CHRNA7: variants seen among roughly 807,000 people sequenced by gnomAD.
The protein encoded by CHRNA7 is neuronal acetylcholine receptor subunit alpha-7.
CHRNA7 carries 17 observed loss-of-function variants against 48.0 expected under a neutral mutation model. That is an observed-to-expected ratio of 0.35 (90% CI 0.24 to 0.53). The LOEUF is 0.53. CHRNA7 is among the 20% of genes least tolerant of loss of function. The pLI, the probability that CHRNA7 is intolerant of heterozygous loss-of-function variation, is 0.92. For synonymous variants in CHRNA7, 75 were observed against 242.3 expected, an observed-to-expected ratio of 0.31 and a Z score of 6.41; for missense variants, 155 against 577.7, an observed-to-expected ratio of 0.27 and a Z score of 7.50.
chr15:32,033,103 C>T (rs564725711), intron 2 of CHRNA7, among the ~76,000 whole-genome samples: 2 of 152,092 alleles, frequency 1.3e-5, no homozygotes, highest in East Asian at 1.9e-4. Context: ...GGGAAGGGGG[C>T]GGGAGAAAGT....
At chr15:32,110,116 G>A (rs1395124917) in intron 3 of CHRNA7, among the ~76,000 whole-genome samples, 1 of 152,206 alleles carries the variant, frequency 6.6e-6, no homozygotes, top group African/African-American at 2.4e-5. Context: ...GTGATAATTA[G>A]TGACCGACAC....
At chr15:32,100,285 A>G (rs539769746) in intron 2 of CHRNA7, 1 of 152,152 alleles carries the variant, frequency 6.6e-6, no homozygotes, top group African/African-American at 2.4e-5. Flanking sequence ...ACATCTTCAC[A>G]GGGGCATTAA....
At chr15:32,045,259 C>T (rs868218140) in intron 2 of CHRNA7, among the ~76,000 whole-genome samples, 1 of 151,950 alleles carries the variant, frequency 6.6e-6, no homozygotes, top group Non-Finnish European at 1.5e-5. Context: ...GTCTGTGCTC[C>T]TTCTGAGCCT....
intron 4 of CHRNA7, among the ~76,000 whole-genome samples, chr15:32,136,716 G>A (rs992265153): frequency 1.3e-5 from 2 of 151,456 alleles, no homozygotes; most frequent in African/African-American, 2.4e-5. Flanking sequence ...AACAAGTAGG[G>A]GTCGAATGGG....
At chr15:32,117,036 C>T (rs773645100) in intron 4 of CHRNA7, among the ~76,000 whole-genome samples, 58 of 152,096 alleles carry the variant, frequency 3.8e-4, no homozygotes, top group Non-Finnish European at 6.8e-4. Flanking sequence ...TGTTGCCAAG[C>T]GTCTTAGGGA....
At chr15:32,038,018 TC>T (rs1902175204) in intron 2 of CHRNA7, among the ~76,000 whole-genome samples, 1 of 149,110 alleles carries the variant, frequency 6.7e-6, no homozygotes, top group Admixed American at 6.7e-5. Flanking sequence ...AGTTTTCTTA[TC>T]ATTAGGTATG....
intron 4 of CHRNA7, among the ~76,000 whole-genome samples, chr15:32,142,592 C>T (rs1184219817): frequency 2.6e-5 from 4 of 152,172 alleles, no homozygotes; most frequent in African/African-American, 9.7e-5. Context: ...GCCTCAATTT[C>T]AGAACCTGTT....
At chr15:32,059,881 C>T (rs1199515082) in intron 2 of CHRNA7, among the ~76,000 whole-genome samples, 2 of 127,304 alleles carry the variant, frequency 1.6e-5, no homozygotes, top group African/African-American at 3.0e-5. Context: ...AGGGCTATAA[C>T]GCCCAAGCTC....
At chr15:32,154,728 TAA>T (rs1320698578) in intron 5 of CHRNA7, among the ~76,000 whole-genome samples, 2 of 129,914 alleles carry the variant, frequency 1.5e-5, no homozygotes, top group Non-Finnish European at 3.2e-5. Context: ...TGCAGCTGTT[TAA>T]CTTTCTGCTC....
chr15:32,136,240 C>T (rs1595486817), intron 4 of CHRNA7, among the ~76,000 whole-genome samples: 2 of 152,116 alleles, frequency 1.3e-5, no homozygotes, highest in Admixed American at 6.5e-5. Flanking sequence ...CCTGTAGTCC[C>T]AGCACTTTGG....
chr15:32,107,806 CAGAA>C (rs903507588), intron 3 of CHRNA7, among the ~76,000 whole-genome samples: 4 of 152,196 alleles, frequency 2.6e-5, no homozygotes, highest in African/African-American at 9.6e-5. Context: ...GTGCAATGGG[CAGAA>C]AGCTCTTTAC....
At chr15:32,034,584 C>T (rs1901995375) in intron 2 of CHRNA7, among the ~76,000 whole-genome samples, 1 of 152,040 alleles carries the variant, frequency 6.6e-6, no homozygotes, top group Non-Finnish European at 1.5e-5. Flanking sequence ...TTCACCTGGC[C>T]CTAGTCTAGG....
At position 32,145,421 on chromosome 15, in the gene CHRNA7, G is replaced by A. The variant is rs185308237; in HGVS notation, c.351-8486G>A. Among the ~76,000 whole-genome samples the A allele has an allele frequency of 6.6e-5, 10 of 152,290 alleles. No homozygotes were observed. In the South Asian group the frequency reaches 1.9e-3, roughly 28 times the overall value. On this transcript the variant is annotated intron_variant, in intron 4 of 9. Transcript: ENST00000306901. ...GTCTATCCATTCTCAGAGCTTGAACGCCGTGCTGGGAGAACCAGTGCTCTC... is the reference window on the plus strand; with the variant it reads ...GTCTATCCATTCTCAGAGCTTGAACACCGTGCTGGGAGAACCAGTGCTCTC...
chr15:32,153,123 T>A (rs1436933361), intron 4 of CHRNA7, among the ~76,000 whole-genome samples: 1 of 152,064 alleles, frequency 6.6e-6, no homozygotes, highest in Non-Finnish European at 1.5e-5. Flanking sequence ...GTTCAGTCAT[T>A]CAAGATATAT....
chr15:32,114,044 G>GTATATATATATATATATATGTA (rs1321921481), intron 4 of CHRNA7, among the ~76,000 whole-genome samples: 1 of 63,606 alleles, frequency 1.6e-5, no homozygotes, highest in African/African-American at 5.7e-5. Flanking sequence ...ATATATATAT[G>GTATATATATATATATATATGTA]TATATATATA....
Position 32,030,651 on chromosome 15 carries a change from T to C in CHRNA7, c.55+2T>C, listed in dbSNP as rs1477770373. Reference sequence around the variant, plus strand: ...CGCTGGCCGCGTCGCTCCTGCACGGTAAAGCCACTGCCTCCCCGCCCTCCA... The same window carrying C: ...CGCTGGCCGCGTCGCTCCTGCACGGCAAAGCCACTGCCTCCCCGCCCTCCA... On this transcript the variant is annotated splice_donor_variant, in intron 1 of 9. Coordinates refer to ENST00000306901, the MANE Select transcript of CHRNA7 (RefSeq NM_000746.6). LOFTEE classifies it high-confidence loss of function. 1.3e-6 allele frequency: 2 copies of C among 1,577,250 alleles called. No individual in the cohort carries two copies. The highest frequency in any genetic ancestry group is 2.3e-5 in the South Asian group (2 of 86,382).
chr15:32,151,436 TTAA>T (rs1432583401), intron 4 of CHRNA7, among the ~76,000 whole-genome samples: 6 of 152,026 alleles, frequency 3.9e-5, no homozygotes, highest in Non-Finnish European at 8.8e-5. Context: ...CTTCAAGGCT[TTAA>T]TGTTCTTGAA....
intron 2 of CHRNA7, among the ~76,000 whole-genome samples, chr15:32,034,431 C>T (rs1269837694): frequency 3.9e-5 from 6 of 151,998 alleles, no homozygotes; most frequent in Non-Finnish European, 8.8e-5. Flanking sequence ...TTTTATAGAC[C>T]CTTTTGTAAG....
chr15:32,030,783 G>T lies in CHRNA7; in HGVS notation c.56-115G>T, dbSNP rs1034403149. ...GGGGAGGGGCAGCGGGGGCGCTGCG[G>T]GGGCTGCTTGTCTGGGCTGCACCGG... On this transcript the variant is annotated intron_variant, in intron 1 of 9. Coordinates refer to ENST00000306901, the MANE Select transcript of CHRNA7 (RefSeq NM_000746.6). 6.6e-6 allele frequency: 10 copies of T among 1,505,502 alleles called. No homozygotes were observed. In the African/African-American group the frequency reaches 1.4e-4, roughly 21 times the overall value. The allele number at this position is 1,505,502 out of a possible 1,614,324, so 93.3% of individuals were successfully genotyped here. A position where few individuals can be genotyped will look rare whatever the true frequency, so the allele number is the denominator to read the frequency against.
Sources: allele counts gnomAD v4.1 joint callset (sites outside exome capture counted in the v4.1 genomes callset), GRCh38; gene constraint gnomAD v4.1.1; transcripts MANE v1.5; gene names NCBI Gene and HGNC (gene_info 2026-07-23, HGNC 2026-07-21).